OSBPL9: variants seen among roughly 807,000 people sequenced by gnomAD.
The protein encoded by OSBPL9 is oxysterol-binding protein-related protein 9.
Under a neutral mutation model 106.6 loss-of-function variants are expected in OSBPL9, and 40 were observed. That is an observed-to-expected ratio of 0.38 (90% CI 0.29 to 0.49). The LOEUF (loss-of-function observed/expected upper bound fraction) is 0.49, where lower values mean the gene tolerates loss of function less well. Among genes scored for constraint, OSBPL9 ranks in the 20% least tolerant of loss-of-function variants. OSBPL9 has a pLI of 0.97. For synonymous variants in OSBPL9, 269 were observed against 295.4 expected (o/e 0.91, Z 0.92); for missense variants, 609 against 887.2 (o/e 0.69, Z 3.98).
At chr1:51,573,714 T>G (rs953903852), upstream of OSBPL9, among the ~76,000 whole-genome samples, 3 of 150,310 alleles carry the variant, frequency 2.0e-5, no homozygotes, top group Non-Finnish European at 4.4e-5. Context: ...CTCAGGAGGC[T>G]GAGGCAGGAG....
intron 2 of OSBPL9, among the ~76,000 whole-genome samples, chr1:51,600,929 A>G (rs983034046): frequency 1.3e-5 from 2 of 152,242 alleles, no homozygotes. Flanking sequence ...CATAATAGAT[A>G]TCAGAAAGCT....
chr1:51,669,793 T>A, intron 3 of OSBPL9: 1 of 550,398 alleles, frequency 1.8e-6, no homozygotes, highest in Non-Finnish European at 3.5e-6. Context: ...CTGCTGCTGC[T>A]GCTGGCTTGT....
At chr1:51,607,968 C>T (rs1006487614) in intron 2 of OSBPL9, among the ~76,000 whole-genome samples, 1 of 152,228 alleles carries the variant, frequency 6.6e-6, no homozygotes, top group African/African-American at 2.4e-5. Context: ...CCAGGACTTG[C>T]ATCTCTCCTC....
intron 3 of OSBPL9, among the ~76,000 whole-genome samples, chr1:51,699,655 C>T (rs1341215874): frequency 6.6e-6 from 1 of 152,132 alleles, no homozygotes; most frequent in Non-Finnish European, 1.5e-5. Context: ...TTTATACCTT[C>T]TCTGTCCTAG....
intron 3 of OSBPL9, among the ~76,000 whole-genome samples, chr1:51,698,651 G>C (rs185942894): frequency 2.0e-5 from 3 of 152,246 alleles, no homozygotes; most frequent in Non-Finnish European, 2.9e-5. Flanking sequence ...AGAAAGTCTA[G>C]AGATAAGCTG....
the OSBPL9 span, among the ~76,000 whole-genome samples, chr1:51,530,390 T>G: frequency 6.6e-6 from 1 of 151,726 alleles, no homozygotes; most frequent in Non-Finnish European, 1.5e-5. Flanking sequence ...AGAAAATATT[T>G]GCAAATCATA....
chr1:51,767,266 G>A (rs536495392), intron 12 of OSBPL9, among the ~76,000 whole-genome samples: 1 of 151,894 alleles, frequency 6.6e-6, no homozygotes, highest in Non-Finnish European at 1.5e-5. Flanking sequence ...GGTGGCACAC[G>A]CCTGTCGTCC....
intron 2 of OSBPL9, among the ~76,000 whole-genome samples, chr1:51,658,395 A>G (rs1447889815): frequency 2.0e-5 from 3 of 152,050 alleles, no homozygotes; most frequent in Admixed American, 1.3e-4. Context: ...CATAATTTCT[A>G]TTAATACAGA....
At chr1:51,731,549 G>C (rs1664416875) in intron 4 of OSBPL9, among the ~76,000 whole-genome samples, 1 of 152,194 alleles carries the variant, frequency 6.6e-6, no homozygotes, top group African/African-American at 2.4e-5. Context: ...GGCCGAGGCG[G>C]CCGGATCTCT....
At chr1:51,531,364 A>G in the OSBPL9 span, among the ~76,000 whole-genome samples, 1 of 152,218 alleles carries the variant, frequency 6.6e-6, no homozygotes, top group Non-Finnish European at 1.5e-5. Context: ...AAGGGCAGAA[A>G]CTGGTAAAAC....
intron 1 of OSBPL9, among the ~76,000 whole-genome samples, chr1:51,629,459 A>G (rs1002214252): frequency 3.9e-5 from 6 of 152,218 alleles, no homozygotes; most frequent in Non-Finnish European, 8.8e-5. Context: ...TGATTTTATC[A>G]TTGTGTGGAT....
chr1:51,765,767 C>T, intron 11 of OSBPL9, 55 bp from the exon 12 acceptor site: 3 of 1,490,340 alleles, frequency 2.0e-6, no homozygotes, highest in South Asian at 1.3e-5. Flanking sequence ...ACTCCATCTC[C>T]CTAGTTTCTT....
chr1:51,687,376 G>T (rs1483751150), intron 3 of OSBPL9, among the ~76,000 whole-genome samples: 1 of 152,174 alleles, frequency 6.6e-6, no homozygotes, highest in Admixed American at 6.5e-5. Context: ...CTTAAGCACA[G>T]GATGCAAAAT....
chr1:51,519,414 G>GCCCGCCCT, the OSBPL9 span: 2 of 200,734 alleles, frequency 1.0e-5, no homozygotes, highest in African/African-American at 4.8e-5. Flanking sequence ...CTGCCCGCCC[G>GCCCGCCCT]CCGGAGCCGG....
chr1:51,617,026 G>A (rs1284822435), upstream of OSBPL9: 3 of 637,282 alleles, frequency 4.7e-6, no homozygotes, highest in African/African-American at 4.6e-5. Context: ...GACCCGCCCC[G>A]CCCCCTGCGG....
intron 1 of OSBPL9, among the ~76,000 whole-genome samples, chr1:51,641,921 G>A (rs1645819162): frequency 6.6e-6 from 1 of 152,082 alleles, no homozygotes; most frequent in Non-Finnish European, 1.5e-5. Flanking sequence ...TAGAATGTTT[G>A]GAATCAGCAT....
chr1:51,736,772 T>C (rs935169924), intron 4 of OSBPL9, among the ~76,000 whole-genome samples: 2 of 152,140 alleles, frequency 1.3e-5, no homozygotes, highest in African/African-American at 2.4e-5. Context: ...GGTTGGGGAA[T>C]GGAAGAATAT....
At chr1:51,615,124 C>T (rs922166965), upstream of OSBPL9, among the ~76,000 whole-genome samples, 3 of 152,078 alleles carry the variant, frequency 2.0e-5, no homozygotes, top group Non-Finnish European at 4.4e-5. Context: ...GCCAGGCGAG[C>T]GCCTGTAATC....
chr1:51,705,203 G>T (rs1327103942), intron 3 of OSBPL9, among the ~76,000 whole-genome samples: 1 of 150,588 alleles, frequency 6.6e-6, no homozygotes, highest in African/African-American at 2.4e-5. Context: ...TTAAGAGATG[G>T]GGTCTCACTG....
Sources: allele counts gnomAD v4.1 joint callset (sites outside exome capture counted in the v4.1 genomes callset), GRCh38; gene constraint gnomAD v4.1.1; transcripts MANE v1.5; gene names NCBI Gene and HGNC (gene_info 2026-07-23, HGNC 2026-07-21).